NAALADL2: variants seen among roughly 807,000 people sequenced by gnomAD.
The protein encoded by NAALADL2 is N-acetylated alpha-linked acidic dipeptidase like 2, also known as inactive N-acetylated-alpha-linked acidic dipeptidase-like protein 2.
In NAALADL2, 76 loss-of-function variants were observed where a neutral mutation model predicts 87.2. That is an observed-to-expected ratio of 0.87 (90% CI 0.72 to 1.05). The LOEUF is 1.05. Among genes scored for constraint, NAALADL2 ranks in the 50% least tolerant of loss-of-function variants. The pLI, the probability that NAALADL2 is intolerant of heterozygous loss-of-function variation, is 0.00. For synonymous variants in NAALADL2, 354 were observed against 331.0 expected, an observed-to-expected ratio of 1.07 and a Z score of -0.75; for missense variants, 1,089 against 945.8, an observed-to-expected ratio of 1.15 and a Z score of -1.99.
intron 2 of NAALADL2, among the ~76,000 whole-genome samples, chr3:175,099,387 T>G (rs1463004301): frequency 2.0e-5 from 3 of 152,190 alleles, no homozygotes; most frequent in African/African-American, 4.8e-5. Context: ...AGACACAGAT[T>G]AACAATTATG....
chr3:174,834,789 A>T (rs1723140007), intron 3 of NAALADL2, among the ~76,000 whole-genome samples: 2 of 151,830 alleles, frequency 1.3e-5, no homozygotes, highest in African/African-American at 4.8e-5. Flanking sequence ...GAAATTGAGT[A>T]TATAAATAAA....
intron 10 of NAALADL2, among the ~76,000 whole-genome samples, chr3:175,596,443 T>C (rs1722256007): frequency 6.6e-6 from 1 of 152,028 alleles, no homozygotes; most frequent in African/African-American, 2.4e-5. Context: ...CCTTATCCAT[T>C]GTAAATATAG....
At chr3:175,354,054 C>T (rs1167040052) in intron 5 of NAALADL2, among the ~76,000 whole-genome samples, 1 of 152,152 alleles carries the variant, frequency 6.6e-6, no homozygotes, top group Non-Finnish European at 1.5e-5. Flanking sequence ...TTTTCTATAC[C>T]TGTGTCCCAT....
chr3:174,505,873 T>A (rs1246190263), intron 1 of NAALADL2, among the ~76,000 whole-genome samples: 1 of 152,158 alleles, frequency 6.6e-6, no homozygotes, highest in East Asian at 1.9e-4. Context: ...TACACGTAAA[T>A]AATTTAGATA....
At position 175,623,765 on chromosome 3, in the gene NAALADL2, A is replaced by G. The variant is rs79942255; in HGVS notation, c.1801-3526A>G. ...CCTCAGGGAATGAATAGAGGGGTGC[A>G]GAGCCATAGGTGATATCAATATGGA... On this transcript the variant is annotated intron_variant, in intron 10 of 13. Transcript: ENST00000454872. 1.6e-3 allele frequency among the ~76,000 whole-genome samples: 248 copies of G among 152,186 alleles called. 2 individuals are homozygous for G. Among genetic ancestry groups the G allele is most frequent in the Middle Eastern group, 6.8e-3 (2 of 294 alleles).
chr3:174,844,325 C>T (rs917469232), intron 3 of NAALADL2, among the ~76,000 whole-genome samples: 1 of 152,196 alleles, frequency 6.6e-6, no homozygotes, highest in African/African-American at 2.4e-5. Flanking sequence ...ATTTCAGGGG[C>T]TTCCATTCAT....
In NAALADL2 at chr3:175,376,403, G is replaced by C. The variant is rs377004897; in HGVS notation, c.1090+52078G>C. Among the ~76,000 whole-genome samples the C allele has an allele frequency of 1.7e-4, 26 of 151,974 alleles. 2 individuals are homozygous for C. Among genetic ancestry groups the C allele is most frequent in the African/African-American group, 4.8e-4 (20 of 41,486 alleles). ...TTAAAGGATATTTATAATATAGAAG[G>C]CCTTTTTCCTTATTTTTTCTTTCAT... On this transcript the variant is annotated intron_variant, in intron 5 of 13. Coordinates refer to ENST00000454872, the MANE Select transcript of NAALADL2 (RefSeq NM_207015.3).
In NAALADL2 at chr3:174,594,747, G is replaced by A. The variant is rs139684700; in HGVS notation, c.-115+44110G>A. Among the ~76,000 whole-genome samples, 79 of 152,296 alleles carry A rather than the reference G, an allele frequency of 5.2e-4. 1 individual carries two copies. Among genetic ancestry groups the A allele is most frequent in the African/African-American group, 1.8e-3 (75 of 41,570 alleles). ...TCTGATTTAGCTGGCCTAGAGTGGG[G>A]CATAGAAATATATGTTTTAACCAGA... On this transcript the variant is annotated intron_variant, in intron 2 of 3. Transcript: ENST00000434257.
At chr3:175,736,872 T>C (rs1256598873) in intron 11 of NAALADL2, among the ~76,000 whole-genome samples, 1 of 152,172 alleles carries the variant, frequency 6.6e-6, no homozygotes, top group Non-Finnish European at 1.5e-5. Context: ...CTGTAGGTTA[T>C]CAAATAAAAT....
intron 5 of NAALADL2, among the ~76,000 whole-genome samples, chr3:175,346,210 G>A (rs1169311617): frequency 6.6e-6 from 1 of 151,828 alleles, no homozygotes; most frequent in Non-Finnish European, 1.5e-5. Context: ...AATAAAAGAA[G>A]CCTTCTGAAA....
intron 13 of NAALADL2, among the ~76,000 whole-genome samples, chr3:175,780,555 T>TA (rs148456679): frequency 0.084 from 12,821 of 152,190 alleles, 1,709 homozygotes; most frequent in African/African-American, 0.29. Flanking sequence ...GCAGATGCTT[T>TA]ATGTGTTAAT....
chr3:175,004,793 T>G lies in NAALADL2; in HGVS notation c.44-91997T>G, dbSNP rs945531193. Among the ~76,000 whole-genome samples, 4 of 152,058 alleles carry G rather than the reference T, an allele frequency of 2.6e-5. No homozygotes were observed. In the East Asian group the frequency reaches 7.7e-4, roughly 29 times the overall value. On this transcript the variant is annotated intron_variant, in intron 1 of 13. Transcript: ENST00000454872. ...CTTCAGGTTATGTGTATAAGGTATATATGAAACATAAATGCAGTTCTTGTT... is the reference window on the plus strand; with the variant it reads ...CTTCAGGTTATGTGTATAAGGTATAGATGAAACATAAATGCAGTTCTTGTT...
chr3:174,487,604 T>G lies in NAALADL2; in HGVS notation c.-184+46572T>G, dbSNP rs139463915. ...TGGAAGAAGTGGCATTTGATATGGA[T>G]TGGATTTCAGCAGGTAGATGAGGGA... On this transcript the variant is annotated intron_variant, in intron 1 of 3. Transcript: ENST00000434257. Among the ~76,000 whole-genome samples, 414 of 152,036 alleles carry G rather than the reference T, an allele frequency of 2.7e-3. 3 individuals carry two copies. The highest frequency in any genetic ancestry group is 9.4e-3 in the African/African-American group (391 of 41,502).
chr3:175,603,949 C>T (rs1466297336), intron 10 of NAALADL2, among the ~76,000 whole-genome samples: 1 of 152,098 alleles, frequency 6.6e-6, no homozygotes, highest in East Asian at 1.9e-4. Context: ...ACTATGATTG[C>T]ACCACTGCCC....
chr3:175,228,397 T>C (rs187073362), intron 2 of NAALADL2, among the ~76,000 whole-genome samples: 18 of 152,094 alleles, frequency 1.2e-4, no homozygotes, highest in African/African-American at 4.1e-4. Flanking sequence ...ATTTCCATTT[T>C]GAGTAATTTG....
intron 9 of NAALADL2, among the ~76,000 whole-genome samples, chr3:175,545,044 C>CAA (rs1713057022): frequency 1.3e-5 from 2 of 152,266 alleles, no homozygotes; most frequent in South Asian, 4.1e-4. Context: ...ATTTGTATGA[C>CAA]AAACAACAAA....
At chr3:174,755,533 A>G (rs940751779) in intron 3 of NAALADL2, among the ~76,000 whole-genome samples, 2 of 152,126 alleles carry the variant, frequency 1.3e-5, no homozygotes, top group African/African-American at 4.8e-5. Flanking sequence ...ATTTCGAGCC[A>G]CCTCTCCTTT....
At chr3:175,061,362 T>C (rs1713442094) in intron 1 of NAALADL2, among the ~76,000 whole-genome samples, 1 of 151,280 alleles carries the variant, frequency 6.6e-6, no homozygotes, top group African/African-American at 2.4e-5. Context: ...TCAGTGAAAA[T>C]AAAGTATGAG....
intron 1 of NAALADL2, among the ~76,000 whole-genome samples, chr3:174,922,406 A>G (rs543820000): frequency 6.6e-6 from 1 of 152,190 alleles, no homozygotes; most frequent in East Asian, 1.9e-4. Context: ...ATAAGACACA[A>G]GTTTCATATA....
Sources: allele counts gnomAD v4.1 joint callset (sites outside exome capture counted in the v4.1 genomes callset), GRCh38; gene constraint gnomAD v4.1.1; transcripts MANE v1.5; gene names NCBI Gene and HGNC (gene_info 2026-07-23, HGNC 2026-07-21).